The following EXT2 variants were observed in gnomAD, a reference collection of about 807,000 sequenced individuals.
The protein encoded by EXT2 is exostosin glycosyltransferase 2, also known as exostosin-2.
EXT2 carries 53 observed loss-of-function variants against 81.6 expected under a neutral mutation model. That is an observed-to-expected ratio of 0.65 (90% CI 0.52 to 0.82). EXT2 has a LOEUF of 0.82. Among genes scored for constraint, EXT2 ranks in the 40% least tolerant of loss-of-function variants. EXT2 has a pLI of 0.00. For synonymous variants in EXT2, 320 were observed against 340.0 expected (o/e 0.94, Z 0.65); for missense variants, 774 against 910.2 (o/e 0.85, Z 1.93).
chr11:44,156,879 G>A (rs866034379), intron 7 of EXT2, among the ~76,000 whole-genome samples: 2 of 152,122 alleles, frequency 1.3e-5, no homozygotes, highest in Non-Finnish European at 2.9e-5. Context: ...GGCTTTCTAC[G>A]TATTCAAAGG....
chr11:44,123,494 C>T (rs972016878), intron 4 of EXT2, among the ~76,000 whole-genome samples: 1 of 152,196 alleles, frequency 6.6e-6, no homozygotes, highest in East Asian at 1.9e-4. Context: ...CTCTTTGACA[C>T]TGATTCCTTG....
chr11:44,249,288 A>G lies in EXT2; in HGVS notation c.*5001A>G, dbSNP rs1380412989. ...GTTGGGATTACAGGTGTGAACCACC[A>G]TGCCTGGCCCAGGATAGCACTTTTT... On this transcript the variant is annotated 3_prime_UTR_variant, in exon 14 of 14. Transcript: ENST00000533608. Among the ~76,000 whole-genome samples the G allele has an allele frequency of 2.0e-5, 3 of 152,146 alleles. No homozygotes were observed. The highest frequency in any genetic ancestry group is 2.4e-5 in the African/African-American group (1 of 41,434).
At chr11:44,145,089 G>A (rs1311660353) in intron 7 of EXT2, among the ~76,000 whole-genome samples, 1 of 151,990 alleles carries the variant, frequency 6.6e-6, no homozygotes, top group East Asian at 1.9e-4. Flanking sequence ...CTTGCAAGAA[G>A]ACATAGAAAT....
chr11:44,209,292 A>G (rs1955620037), intron 10 of EXT2, among the ~76,000 whole-genome samples: 1 of 152,122 alleles, frequency 6.6e-6, no homozygotes, highest in African/African-American at 2.4e-5. Context: ...TGTAAGCACC[A>G]AAAGGCAGTA....
intron 10 of EXT2, among the ~76,000 whole-genome samples, chr11:44,221,764 C>T (rs1033267462): frequency 2.6e-5 from 4 of 152,182 alleles, no homozygotes; most frequent in Admixed American, 2.0e-4. Flanking sequence ...ATGTAGCTTT[C>T]GGAGGAAAGC....
At chr11:44,177,471 A>G (rs890185304) in intron 8 of EXT2, among the ~76,000 whole-genome samples, 2 of 152,138 alleles carry the variant, frequency 1.3e-5, no homozygotes, top group Non-Finnish European at 2.9e-5. Flanking sequence ...TCCTCATTTT[A>G]CTTCTGTTTC....
At chr11:44,099,258 T>C (rs2134942828) in intron 1 of EXT2, among the ~76,000 whole-genome samples, 1 of 152,294 alleles carries the variant, frequency 6.6e-6, no homozygotes, top group South Asian at 2.1e-4. Flanking sequence ...CGATCTCGGT[T>C]CACTGCAAGC....
intron 3 of EXT2, among the ~76,000 whole-genome samples, chr11:44,112,139 T>TG (rs1954153354): frequency 6.6e-6 from 1 of 152,174 alleles, no homozygotes; most frequent in Admixed American, 6.5e-5. Context: ...AGGACAAACT[T>TG]GCAGCCTCAC....
Position 44,244,692 on chromosome 11 carries a change from G to T in EXT2, c.*405G>T. 1 of 321,284 alleles carries T rather than the reference G, an allele frequency of 3.1e-6. No individual in the cohort carries two copies. Among genetic ancestry groups the T allele is most frequent in the South Asian group, 6.0e-5 (1 of 16,594 alleles). The allele number at this position is 321,284 out of a possible 1,614,324, so 19.9% of individuals were successfully genotyped here. ...TTTGAGGTCTGGGGAATCATGTAAA[G>T]GGTACCCAGACCTCACTTTTAGTTA... On this transcript the variant is annotated 3_prime_UTR_variant, in exon 14 of 14. Transcript: ENST00000533608.
chr11:44,218,424 G>A (rs548533453), intron 10 of EXT2, among the ~76,000 whole-genome samples: 12 of 152,262 alleles, frequency 7.9e-5, no homozygotes, highest in East Asian at 1.9e-4. Context: ...GAGGGCCAGC[G>A]GAGGTGCAGG....
Position 44,159,569 on chromosome 11 carries a change from C to G in EXT2, c.1174-12042C>G, listed in dbSNP as rs879391699. ...ATGTTGTCTGCCTTTTCCATTAGAA[C>G]CTTTAGCATATTAATCATAATTGTT... On this transcript the variant is annotated intron_variant, in intron 7 of 13. Transcript: ENST00000533608. Among the ~76,000 whole-genome samples the G allele has an allele frequency of 2.0e-5, 3 of 152,084 alleles. No homozygotes were observed. The East Asian group carries it at 5.8e-4, about 29-fold the overall frequency.
At chr11:44,230,447 T>A (rs1026415831) in intron 10 of EXT2, among the ~76,000 whole-genome samples, 1 of 152,212 alleles carries the variant, frequency 6.6e-6, no homozygotes, top group African/African-American at 2.4e-5. Context: ...AGTCCTGATC[T>A]TCAGTACCTC....
chr11:44,110,389 C>T (rs113547313), intron 3 of EXT2, among the ~76,000 whole-genome samples: 3 of 152,254 alleles, frequency 2.0e-5, no homozygotes, highest in African/African-American at 4.8e-5. Context: ...CCGTTTTGGA[C>T]GATAGAGGGC....
At chr11:44,187,193 T>A (rs867398226) in intron 8 of EXT2, among the ~76,000 whole-genome samples, 102 of 151,922 alleles carry the variant, frequency 6.7e-4, no homozygotes, top group African/African-American at 2.4e-3. Context: ...GTGCACCACA[T>A]GCCGTGCTAC....
chr11:44,197,361 G>A (rs568699294), intron 8 of EXT2, among the ~76,000 whole-genome samples: 3 of 152,078 alleles, frequency 2.0e-5, no homozygotes, highest in East Asian at 1.9e-4. Context: ...GCTTGCCATC[G>A]CTGCCTCCCC....
At chr11:44,170,810 TCACACACACACACACACACACACA>T (rs58131996) in intron 7 of EXT2, among the ~76,000 whole-genome samples, 12 of 145,552 alleles carry the variant, frequency 8.2e-5, no homozygotes, top group Admixed American at 2.0e-4. Context: ...ACGTTCACAT[TCACACACACACACACACACACACA>T]CACACACACA....
Position 44,232,359 on chromosome 11 carries a change from C to T in EXT2, c.1669C>T (p.Arg557Trp), listed in dbSNP as rs768532662. ...ATTATGTGTCTGTCCTTAGGTCTGG[C>T]GGGAATTTCCTGACCGGTTGGTGGG... is the stretch of plus-strand genomic sequence containing the variant. ...DELQFGYEVWREFPDRLVGYP... is the reference protein window; with the variant it reads ...DELQFGYEVWWEFPDRLVGYP... The change falls in exon 11 of 14, where the codon CGG becomes TGG. Residue 557 changes from arginine (R) to tryptophan (W), a missense_variant. Transcript: ENST00000533608. 6.8e-5 allele frequency: 110 copies of T among 1,613,696 alleles called. No homozygotes were observed. Among genetic ancestry groups the T allele is most frequent in the Non-Finnish European group, 7.9e-5 (93 of 1,179,880 alleles).
intron 10 of EXT2, among the ~76,000 whole-genome samples, chr11:44,213,224 G>A (rs1475792572): frequency 1.3e-5 from 2 of 152,140 alleles, no homozygotes; most frequent in East Asian, 3.9e-4. Context: ...AAAGCAAGTA[G>A]AAGGAAGAAA....
chr11:44,115,270 G>T (rs144856470), intron 4 of EXT2, among the ~76,000 whole-genome samples: 7 of 152,302 alleles, frequency 4.6e-5, no homozygotes, highest in Non-Finnish European at 1.0e-4. Context: ...GCCCAGGCTA[G>T]ATTCAAATTG....
Sources: gnomAD v4.1 joint callset for allele counts (sites outside exome capture counted in the v4.1 genomes callset) on GRCh38, gnomAD v4.1.1 for gene constraint, MANE v1.5 for transcripts, NCBI Gene and HGNC (gene_info 2026-07-23, HGNC 2026-07-21) for gene names.